The following FARP1 variants were observed in gnomAD, a reference collection of about 807,000 sequenced individuals.
FARP1 encodes FERM, ARHGEF and pleckstrin domain-containing protein 1.
Under a neutral mutation model 128.8 loss-of-function variants are expected in FARP1, and 52 were observed. The observed-to-expected ratio is 0.40, with a 90% confidence interval of 0.32 to 0.51. FARP1 has a LOEUF of 0.51. Ranked by LOEUF, FARP1 falls within the 20% of genes least tolerant of loss-of-function variation. FARP1 has a pLI of 0.45. For missense variants in FARP1, 1,333 were observed against 1,367.9 expected, an observed-to-expected ratio of 0.97 and a Z score of 0.40; for synonymous variants, 580 against 551.8, an observed-to-expected ratio of 1.05 and a Z score of -0.72.
At chr13:98,159,111 G>A (rs1876690010) in intron 1 of FARP1, among the ~76,000 whole-genome samples, 1 of 152,234 alleles carries the variant, frequency 6.6e-6, no homozygotes, top group Non-Finnish European at 1.5e-5. Flanking sequence ...ATGGCAAAGT[G>A]CATGTAGGAG....
chr13:98,297,603 T>C (rs1028165764), intron 2 of FARP1, among the ~76,000 whole-genome samples: 2 of 152,206 alleles, frequency 1.3e-5, no homozygotes, highest in African/African-American at 4.8e-5. Flanking sequence ...TATAAGAAGA[T>C]CTGCCTGATT....
At chr13:98,340,293 GA>G (rs1887912052) in intron 2 of FARP1, among the ~76,000 whole-genome samples, 1 of 152,108 alleles carries the variant, frequency 6.6e-6, no homozygotes, top group African/African-American at 2.4e-5. Flanking sequence ...TCTGAAACTG[GA>G]ATGTGTTCTT....
intron 2 of FARP1, among the ~76,000 whole-genome samples, chr13:98,219,952 A>G: frequency 6.6e-6 from 1 of 152,120 alleles, no homozygotes; most frequent in Non-Finnish European, 1.5e-5. Context: ...TGCAGGCATG[A>G]GCTACTGTGC....
chr13:98,232,526 A>G (rs895323699), intron 2 of FARP1, among the ~76,000 whole-genome samples: 5 of 152,068 alleles, frequency 3.3e-5, no homozygotes, highest in Admixed American at 6.5e-5. Flanking sequence ...TCGCATGTCT[A>G]TTGGCCCCAT....
intron 1 of FARP1, among the ~76,000 whole-genome samples, chr13:98,152,932 T>C (rs562582313): frequency 1.3e-5 from 2 of 152,182 alleles, no homozygotes; most frequent in South Asian, 4.1e-4. Context: ...ATCTGGCAGT[T>C]TGGGTTACAG....
chr13:98,269,767 G>A (rs1298648243), intron 2 of FARP1, among the ~76,000 whole-genome samples: 1 of 152,186 alleles, frequency 6.6e-6, no homozygotes, highest in Non-Finnish European at 1.5e-5. Flanking sequence ...TGGTCGGGGG[G>A]TGTCAGCGAA....
intron 2 of FARP1, among the ~76,000 whole-genome samples, chr13:98,306,545 C>T (rs1886169140): frequency 6.6e-6 from 1 of 151,676 alleles, no homozygotes; most frequent in African/African-American, 2.4e-5. Flanking sequence ...GAAAGGATCT[C>T]ACTCTGTTGC....
intron 16 of FARP1, among the ~76,000 whole-genome samples, chr13:98,418,522 G>A (rs1395722263): frequency 1.3e-5 from 2 of 152,170 alleles, no homozygotes; most frequent in Admixed American, 1.3e-4. Flanking sequence ...TGATCCACCC[G>A]CCTTGGCCTC....
Position 98,343,748 on chromosome 13 carries a change from G to C in FARP1, c.172-14G>C. ...GCCTGCCTCAGGGATAACCCCTGTT[G>C]TTTCTGCTCACAGCAAAGAGCTCCT... is the stretch of plus-strand genomic sequence containing the variant. On this transcript the variant is annotated splice_polypyrimidine_tract_variant and intron_variant, in intron 2 of 26. Transcript: ENST00000319562. 6.3e-7 allele frequency: 1 copy of C among 1,598,226 alleles called. No individual in the cohort carries two copies. Among genetic ancestry groups the C allele is most frequent in the Non-Finnish European group, 8.6e-7 (1 of 1,165,688 alleles).
intron 1 of FARP1, among the ~76,000 whole-genome samples, chr13:98,188,015 T>C (rs1247185990): frequency 1.3e-5 from 2 of 152,214 alleles, no homozygotes; most frequent in East Asian, 1.9e-4. Context: ...TATTTTAAGC[T>C]GGGAGAGCAA....
chr13:98,284,066 G>A (rs181451792), intron 2 of FARP1, among the ~76,000 whole-genome samples: 164 of 152,348 alleles, frequency 1.1e-3, no homozygotes, highest in African/African-American at 3.8e-3. Flanking sequence ...TGCCATATTG[G>A]ACAGTGCAGA....
chr13:98,281,574 C>G (rs1045192900), intron 2 of FARP1, among the ~76,000 whole-genome samples: 10 of 152,148 alleles, frequency 6.6e-5, no homozygotes, highest in African/African-American at 2.4e-4. Flanking sequence ...TCCCATACAA[C>G]AAGCACAAGA....
At chr13:98,192,749 A>T (rs561135511) in intron 1 of FARP1, among the ~76,000 whole-genome samples, 130 of 152,302 alleles carry the variant, frequency 8.5e-4, no homozygotes, top group African/African-American at 2.9e-3. Context: ...GGCCATTTTA[A>T]GAAAAATTAT....
At chr13:98,427,549 G>A (rs181897853) in intron 17 of FARP1, among the ~76,000 whole-genome samples, 26 of 152,286 alleles carry the variant, frequency 1.7e-4, no homozygotes, top group East Asian at 9.7e-4. Context: ...ATCTCCACCC[G>A]CGGGGACAGT....
chr13:98,163,897 C>T (rs1255467830), intron 1 of FARP1, among the ~76,000 whole-genome samples: 5 of 150,516 alleles, frequency 3.3e-5, no homozygotes, highest in Non-Finnish European at 7.4e-5. Context: ...TTAATAGAGA[C>T]GAGGTTTCAC....
At chr13:98,297,761 C>T (rs1297788126) in intron 2 of FARP1, among the ~76,000 whole-genome samples, 1 of 152,116 alleles carries the variant, frequency 6.6e-6, no homozygotes, top group Admixed American at 6.6e-5. Flanking sequence ...TCAAAAGGGT[C>T]CTGTCTCCCT....
At chr13:98,293,082 A>C (rs1885520154) in intron 2 of FARP1, among the ~76,000 whole-genome samples, 1 of 152,208 alleles carries the variant, frequency 6.6e-6, no homozygotes, top group Admixed American at 6.5e-5. Context: ...TGGGTATGTG[A>C]TCTGACTTTG....
At chr13:98,298,741 G>A (rs2139690903) in intron 2 of FARP1, among the ~76,000 whole-genome samples, 1 of 152,274 alleles carries the variant, frequency 6.6e-6, no homozygotes, top group East Asian at 1.9e-4. Context: ...TAGGAGCTTA[G>A]AGCATTAAAA....
intron 1 of FARP1, chr13:98,177,184 C>A (rs1367226747): frequency 1.1e-5 from 18 of 1,590,676 alleles, no homozygotes; most frequent in African/African-American, 2.7e-5. Context: ...GAGGAAGGTG[C>A]ATACCTGGTC....
Sources: gnomAD v4.1 joint callset for allele counts (sites outside exome capture counted in the v4.1 genomes callset) on GRCh38, gnomAD v4.1.1 for gene constraint, MANE v1.5 for transcripts, NCBI Gene and HGNC (gene_info 2026-07-23, HGNC 2026-07-21) for gene names.